Variants in POP1 observed in about 807,000 individuals in gnomAD.
The protein encoded by POP1 is ribonucleases P/MRP protein subunit POP1.
POP1 carries 75 observed loss-of-function variants against 102.2 expected under a neutral mutation model. That is an observed-to-expected ratio of 0.73 (90% CI 0.61 to 0.89). POP1 has a LOEUF of 0.89. Ranked by LOEUF, POP1 falls within the 40% of genes least tolerant of loss-of-function variation. The probability of loss-of-function intolerance (pLI) is 0.00; values close to 1 mark genes in which losing one functional copy is unlikely to be tolerated. For missense variants in POP1, 1,116 were observed against 1,267.4 expected (o/e 0.88, Z 1.81); for synonymous variants, 436 against 464.1 (o/e 0.94, Z 0.78).
chr8:98,129,972 CTA>C lies in POP1; in HGVS notation c.487-3_487-2del. ...CTGGGATATGTCCCTCTACTTGAAA[CTA>C]TAGGCGGAGAAAGCCGTACATCAGA... On this transcript the variant is annotated splice_polypyrimidine_tract_variant and splice_region_variant and intron_variant, in intron 4 of 15. Transcript: ENST00000401707. 6.2e-7 allele frequency: 1 copy of C among 1,613,930 alleles called. No individual in the cohort carries two copies. The highest frequency in any genetic ancestry group is 8.5e-7 in the Non-Finnish European group (1 of 1,179,870).
At chr8:98,128,956 A>G (rs531845563) in intron 4 of POP1, among the ~76,000 whole-genome samples, 1 of 152,154 alleles carries the variant, frequency 6.6e-6, no homozygotes, top group Admixed American at 6.5e-5. Context: ...CATCACCCTT[A>G]TGGTTTTTGT....
intron 15 of POP1, among the ~76,000 whole-genome samples, chr8:98,157,028 A>C (rs1809670098): frequency 6.6e-6 from 1 of 151,570 alleles, no homozygotes; most frequent in Non-Finnish European, 1.5e-5. Context: ...CAGCCTCCCA[A>C]GTAGCTGGGA....
intron 11 of POP1, 64 bp from the exon 12 acceptor site, chr8:98,146,504 G>A (rs1170806754): frequency 8.6e-7 from 1 of 1,167,394 alleles, no homozygotes; most frequent in Non-Finnish European, 1.3e-6. Context: ...TATTGCCAAT[G>A]TTTGGAGTTT....
At chr8:98,126,602 A>G (rs1816214149) in intron 2 of POP1, among the ~76,000 whole-genome samples, 1 of 152,184 alleles carries the variant, frequency 6.6e-6, no homozygotes, top group East Asian at 1.9e-4. Flanking sequence ...TAAGTGTAAG[A>G]AAGTGATTGC....
chr8:98,138,977 C>T (rs188283051), intron 9 of POP1, among the ~76,000 whole-genome samples: 134 of 152,056 alleles, frequency 8.8e-4, no homozygotes, highest in African/African-American at 3.1e-3. Flanking sequence ...CTCAGCCTCC[C>T]GAGTAGCTGG....
At chr8:98,133,789 G>A (rs1056606300) in intron 5 of POP1, among the ~76,000 whole-genome samples, 160 bp from the exon 6 acceptor site, 8 of 151,854 alleles carry the variant, frequency 5.3e-5, no homozygotes, top group African/African-American at 1.9e-4. Flanking sequence ...CTAAACCATC[G>A]GGCAGGAGAA....
intron 9 of POP1, among the ~76,000 whole-genome samples, chr8:98,139,070 C>T (rs185565620): frequency 7.9e-5 from 12 of 152,140 alleles, no homozygotes; most frequent in Admixed American, 6.5e-4. Flanking sequence ...AGGCTGGTCT[C>T]GAACTCCTGG....
intron 2 of POP1, among the ~76,000 whole-genome samples, chr8:98,125,428 C>G (rs550500410): frequency 5.9e-5 from 9 of 152,132 alleles, no homozygotes; most frequent in Non-Finnish European, 1.3e-4. Flanking sequence ...TCAAGTGATC[C>G]ACCTGCTTCG....
chr8:98,153,531 C>CCCTTTTTTTTTTTTTTTTTTTTTT (rs1430760385), intron 14 of POP1, among the ~76,000 whole-genome samples: 1 of 81,236 alleles, frequency 1.2e-5, no homozygotes, highest in Non-Finnish European at 2.2e-5. Flanking sequence ...ACAGTTCTGA[C>CCCTTTTTTTTTTTTTTTTTTTTTT]TCTTTTTTTT....
intron 15 of POP1, among the ~76,000 whole-genome samples, chr8:98,157,281 A>G (rs1051619498): frequency 8.5e-5 from 13 of 152,212 alleles, no homozygotes; most frequent in African/African-American, 3.1e-4. Flanking sequence ...TACATGTAAC[A>G]GTCCCTTACA....
intron 11 of POP1, among the ~76,000 whole-genome samples, chr8:98,145,642 A>G (rs1419017618): frequency 6.6e-6 from 1 of 152,182 alleles, no homozygotes; most frequent in African/African-American, 2.4e-5. Context: ...ACGGTGGCTC[A>G]CACCTATAAT....
At chr8:98,153,072 C>T (rs1809558387) in intron 14 of POP1, among the ~76,000 whole-genome samples, 1 of 152,260 alleles carries the variant, frequency 6.6e-6, no homozygotes, top group African/African-American at 2.4e-5. Context: ...TGGGCTCAAG[C>T]AATCCTCCCA....
chr8:98,128,483 C>A lies in POP1; in HGVS notation c.429C>A (p.Ala143=), dbSNP rs750167040. 8.7e-6 allele frequency: 14 copies of A among 1,613,852 alleles called. No individual in the cohort carries two copies. In the South Asian group the frequency reaches 1.4e-4, roughly 16 times the overall value. ...TGCCACGGCACATGCGACGAAGAGCCATGAGCCACAACGTCAAACGCCTTC... is the reference window on the plus strand; with the variant it reads ...TGCCACGGCACATGCGACGAAGAGCAATGAGCCACAACGTCAAACGCCTTC... ...QTLPRHMRRR[A]MSHNVKRLPR... is the part of the protein sequence containing the mutation. Residue 143 remains alanine, a synonymous_variant, in exon 4 of 16, where the codon GCC becomes GCA. Coordinates refer to ENST00000401707, the MANE Select transcript of POP1 (RefSeq NM_001145860.2).
chr8:98,145,863 G>A (rs1446537415), intron 11 of POP1, among the ~76,000 whole-genome samples: 2 of 151,790 alleles, frequency 1.3e-5, no homozygotes, highest in Non-Finnish European at 2.9e-5. Flanking sequence ...CCAAGATTGC[G>A]CCACTGCACT....
rs143411688 is a variant in POP1 at position 98,123,519 on chromosome 8, C to T, written c.142+40C>T. The T allele has an allele frequency of 8.4e-5, 134 of 1,594,642 alleles. No homozygotes were observed. The African/African-American group carries it at 1.4e-3, about 17-fold the overall frequency. ...AGAGACCAGGCATGGTGGCTCACGCCTGTAATCCCAGCACTTTGGGAGGCT... is the reference window on the plus strand; with the variant it reads ...AGAGACCAGGCATGGTGGCTCACGCTTGTAATCCCAGCACTTTGGGAGGCT... On this transcript the variant is annotated intron_variant, in intron 2 of 15. Coordinates refer to ENST00000401707, the MANE Select transcript of POP1 (RefSeq NM_001145860.2).
At chr8:98,118,851 G>A (rs1264687089) in intron 1 of POP1, among the ~76,000 whole-genome samples, 1 of 151,536 alleles carries the variant, frequency 6.6e-6, no homozygotes, top group East Asian at 1.9e-4. Context: ...AGAGGGAAGG[G>A]GTGGAAAAAA....
chr8:98,129,427 T>A (rs1816312154), intron 4 of POP1, among the ~76,000 whole-genome samples: 1 of 152,224 alleles, frequency 6.6e-6, no homozygotes, highest in South Asian at 2.1e-4. Flanking sequence ...GGGGTTTGAG[T>A]TCAAGAGGGA....
chr8:98,140,438 C>T (rs1816671036), intron 10 of POP1, among the ~76,000 whole-genome samples: 1 of 152,194 alleles, frequency 6.6e-6, no homozygotes, highest in Admixed American at 6.5e-5. Context: ...TAAATGCATA[C>T]ACCAGGTACT....
At chr8:98,147,981 G>A (rs946122425) in intron 12 of POP1, among the ~76,000 whole-genome samples, 1 of 152,170 alleles carries the variant, frequency 6.6e-6, no homozygotes, top group Non-Finnish European at 1.5e-5. Context: ...ATTCAGCTAG[G>A]TGAGGAATAT....
Sources: allele counts gnomAD v4.1 joint callset (sites outside exome capture counted in the v4.1 genomes callset), GRCh38; gene constraint gnomAD v4.1.1; transcripts MANE v1.5; gene names NCBI Gene and HGNC (gene_info 2026-07-23, HGNC 2026-07-21).